SYNE2: variants seen among roughly 807,000 people sequenced by gnomAD.
SYNE2 encodes spectrin repeat containing nuclear envelope protein 2.
Under a neutral mutation model 856.3 loss-of-function variants are expected in SYNE2, and 431 were observed. That is an observed-to-expected ratio of 0.50 (90% CI 0.47 to 0.55). The LOEUF is 0.55. Among genes scored for constraint, SYNE2 ranks in the 20% least tolerant of loss-of-function variants. The pLI, the probability that SYNE2 is intolerant of heterozygous loss-of-function variation, is 0.00. For synonymous variants in SYNE2, 2,923 were observed against 2,872.3 expected (o/e 1.02, Z -0.56); for missense variants, 8,129 against 8,023.2 (o/e 1.01, Z -0.50).
chr14:63,951,213 T>C (rs1010103210), intron 7 of SYNE2, among the ~76,000 whole-genome samples: 2 of 152,174 alleles, frequency 1.3e-5, no homozygotes, highest in African/African-American at 4.8e-5. Flanking sequence ...CATAAATATG[T>C]TGCTAAGCCC....
chr14:64,035,385 T>C (rs1472310707), intron 45 of SYNE2, among the ~76,000 whole-genome samples: 1 of 152,180 alleles, frequency 6.6e-6, no homozygotes, highest in Non-Finnish European at 1.5e-5. Flanking sequence ...GAGCACATAG[T>C]TGGGCCATGT....
chr14:64,212,100 T>TGA lies in SYNE2; in HGVS notation c.18861+4_18861+5dup. On this transcript the variant is annotated splice_region_variant and intron_variant, in intron 104 of 115. Transcript: ENST00000555002. ...GATGACAAGATGCGCCAACTGAATG[T>TGA]GAGGGCTGCTGCTTCCCTAGCTCTT... is the stretch of plus-strand genomic sequence containing the variant. 6.2e-7 allele frequency: 1 copy of TGA among 1,613,954 alleles called. No individual in the cohort carries two copies. The highest frequency in any genetic ancestry group is 8.5e-7 in the Non-Finnish European group (1 of 1,180,016).
chr14:63,828,189 C>G (rs567905386), intron 1 of SYNE2, among the ~76,000 whole-genome samples: 147 of 150,710 alleles, frequency 9.8e-4, no homozygotes, highest in African/African-American at 3.5e-3. Context: ...AGAGTGAGAC[C>G]CTGTCTCAAG....
intron 32 of SYNE2, among the ~76,000 whole-genome samples, chr14:64,011,329 C>T (rs903096971): frequency 6.6e-6 from 1 of 152,148 alleles, no homozygotes; most frequent in Non-Finnish European, 1.5e-5. Context: ...TTAGATGTAA[C>T]CTGTCTGGTT....
At chr14:64,172,165 G>A (rs113357814) in intron 94 of SYNE2, among the ~76,000 whole-genome samples, 1 of 152,138 alleles carries the variant, frequency 6.6e-6, no homozygotes, top group African/African-American at 2.4e-5. Context: ...ATTTTTTAAA[G>A]ATCACTCTGG....
chr14:64,096,034 T>C (rs2097674047), intron 61 of SYNE2, among the ~76,000 whole-genome samples: 2 of 152,196 alleles, frequency 1.3e-5, no homozygotes, highest in African/African-American at 4.8e-5. Flanking sequence ...TAGTCTTCAA[T>C]GCGCCATCTT....
At chr14:63,860,760 T>C (rs963809800) in intron 1 of SYNE2, among the ~76,000 whole-genome samples, 5 of 152,242 alleles carry the variant, frequency 3.3e-5, no homozygotes, top group Admixed American at 1.3e-4. Flanking sequence ...TAAATACTTA[T>C]TGAATCTGGG....
At chr14:63,908,716 C>T (rs1191231786) in intron 1 of SYNE2, among the ~76,000 whole-genome samples, 1 of 152,068 alleles carries the variant, frequency 6.6e-6, no homozygotes, top group Non-Finnish European at 1.5e-5. Context: ...TAAAGAAAAT[C>T]CTTGAAGGTT....
At position 64,077,718 on chromosome 14, in the gene SYNE2, A is replaced by G. The variant is rs375852287; in HGVS notation, c.11023-748A>G. Among the ~76,000 whole-genome samples, 27 of 152,306 alleles carry G rather than the reference A, an allele frequency of 1.8e-4. No homozygotes were observed. In the East Asian group the frequency reaches 4.6e-3, roughly 26 times the overall value. On this transcript the variant is annotated intron_variant, in intron 54 of 115. Coordinates refer to ENST00000555002, the MANE Select transcript of SYNE2 (RefSeq NM_182914.3). ...GGTTATTTAGTAGCTGCTTGGAGAA[A>G]GCCTTATCAAATAGCAAAACAAGAA... is the stretch of plus-strand genomic sequence containing the variant.
Position 63,972,990 on chromosome 14 carries a change from C to T in SYNE2, c.1129-3573C>T, listed in dbSNP as rs202092429. On this transcript the variant is annotated intron_variant, in intron 11 of 115. Coordinates refer to ENST00000555002, the MANE Select transcript of SYNE2 (RefSeq NM_182914.3). ...ACAAAAATGGCTGGGCGCAGTGGCT[C>T]GTGACTGTAATCCCAGCACTTTGGG... 3.6e-4 allele frequency among the ~76,000 whole-genome samples: 55 copies of T among 152,292 alleles called. 1 individual carries two copies. Among genetic ancestry groups the T allele is most frequent in the Admixed American group, 3.2e-3 (49 of 15,294 alleles).
At position 64,021,982 on chromosome 14, in the gene SYNE2, T is replaced by C. The variant is rs879365306; in HGVS notation, c.5478T>C (p.Asn1826=). The change falls in exon 37 of 116, where the codon AAT becomes AAC. Residue 1826 remains asparagine, a synonymous_variant. Coordinates refer to ENST00000555002, the MANE Select transcript of SYNE2 (RefSeq NM_182914.3). ...ATGAAAGTGTCAGTGATTTATTTAATACCAAAAAAAGTGTTTTGCAAGATC... is the reference window on the plus strand; with the variant it reads ...ATGAAAGTGTCAGTGATTTATTTAACACCAAAAAAAGTGTTTTGCAAGATC... The part of the protein sequence containing the change: ...KQYESVSDLF[N]TKKSVLQDHF... 28 of 1,613,718 alleles carry C rather than the reference T, an allele frequency of 1.7e-5. No individual in the cohort carries two copies. Among genetic ancestry groups the C allele is most frequent in the Non-Finnish European group, 2.3e-5 (27 of 1,179,872 alleles).
At chr14:63,863,724 A>G (rs1234868522) in intron 1 of SYNE2, among the ~76,000 whole-genome samples, 2 of 152,184 alleles carry the variant, frequency 1.3e-5, no homozygotes, top group African/African-American at 2.4e-5. Context: ...AAAATTTGAG[A>G]TAGTGATTCA....
chr14:63,918,120 C>A (rs565624645), intron 2 of SYNE2, among the ~76,000 whole-genome samples: 1 of 152,124 alleles, frequency 6.6e-6, no homozygotes, highest in African/African-American at 2.4e-5. Flanking sequence ...CCATGTATGT[C>A]GGGTGGGGGT....
rs2096934286 is a variant in SYNE2, at chr14:64,021,315, G to A, written c.5152G>A (p.Val1718Ile). 1 of 1,612,464 alleles carries A rather than the reference G, an allele frequency of 6.2e-7. No individual in the cohort carries two copies. Among genetic ancestry groups the A allele is most frequent in the African/African-American group, 1.3e-5 (1 of 74,864 alleles). The part of the protein sequence containing the change: ...QSSEIPLELQ[V>I]MESSILNKME... ...AACTTCATATATTTCATGATTTCAG[G>A]TCATGGAGTCCTCTATTTTGAACAA... Residue 1718 changes from valine (V) to isoleucine (I), a missense_variant and splice_region_variant, in exon 36 of 116, where the codon GTC becomes ATC. Physicochemically the swap from Val to Ile is conservative, Grantham distance 29 (BLOSUM62 3). Coordinates refer to ENST00000555002, the MANE Select transcript of SYNE2 (RefSeq NM_182914.3).
chr14:63,844,462 A>G (rs1236974315), intron 1 of SYNE2, among the ~76,000 whole-genome samples: 2 of 152,244 alleles, frequency 1.3e-5, no homozygotes, highest in East Asian at 3.8e-4. Context: ...GGCAATGTGA[A>G]TAAAGCTGCT....
chr14:64,098,689 A>G, intron 62 of SYNE2, 58 bp from the exon 63 acceptor site: 2 of 1,571,668 alleles, frequency 1.3e-6, no homozygotes, highest in South Asian at 2.3e-5. Flanking sequence ...CTGGACTGGG[A>G]TCTTGGTGAT....
At chr14:63,887,717 CTTGGTGCTT>C (rs2095029882) in intron 1 of SYNE2, among the ~76,000 whole-genome samples, 1 of 146,564 alleles carries the variant, frequency 6.8e-6, no homozygotes, top group South Asian at 2.2e-4. Context: ...GATGATTGGA[CTTGGTGCTT>C]TTGTGGACTA....
At chr14:64,051,075 A>C (rs562070440) in intron 47 of SYNE2, among the ~76,000 whole-genome samples, 1 of 152,184 alleles carries the variant, frequency 6.6e-6, no homozygotes, top group South Asian at 2.1e-4. Context: ...GTTTACTTTC[A>C]GTAACAGCCC....
intron 1 of SYNE2, among the ~76,000 whole-genome samples, chr14:63,788,914 G>A (rs910328499): frequency 3.3e-5 from 5 of 152,178 alleles, no homozygotes; most frequent in Admixed American, 1.3e-4. Context: ...GCACTCCCAT[G>A]TTTATTGCAG....
Sources: allele counts gnomAD v4.1 joint callset (sites outside exome capture counted in the v4.1 genomes callset), GRCh38; gene constraint gnomAD v4.1.1; transcripts MANE v1.5; gene names NCBI Gene and HGNC (gene_info 2026-07-23, HGNC 2026-07-21).